The following ATP2C2 variants were observed in gnomAD, a reference collection of about 807,000 sequenced individuals.
The protein encoded by ATP2C2 is ATPase secretory pathway Ca2+ transporting 2.
ATP2C2 carries 171 observed loss-of-function variants against 110.8 expected under a neutral mutation model. The observed-to-expected ratio is 1.54, with a 90% CI of 1.36 to 1.75. The LOEUF (loss-of-function observed/expected upper bound fraction) is 1.75, where lower values mean the gene tolerates loss of function less well. ATP2C2 is among the 40% of genes most tolerant of loss of function. The pLI is 0.00. For missense variants in ATP2C2, 1,963 were observed against 1,235.0 expected, an observed-to-expected ratio of 1.59 and a Z score of -8.84; for synonymous variants, 804 against 508.4, an observed-to-expected ratio of 1.58 and a Z score of -7.82.
At chr16:84,398,084 G>A (rs1022789452) in intron 1 of ATP2C2, among the ~76,000 whole-genome samples, 9 of 151,636 alleles carry the variant, frequency 5.9e-5, no homozygotes, top group Non-Finnish European at 1.3e-4. Context: ...TATGCACACT[G>A]TGTGTGTGTG....
rs1909987550 is a variant in ATP2C2 at position 84,448,696 on chromosome 16, G to A, written c.1660+7G>A. ...GGGTCGCTCGGTTTGCGGGGTCAGT[G>A]CCTGTGGTCCCGGCCCAGAGCTTTA... On this transcript the variant is annotated splice_region_variant and intron_variant, in intron 17 of 26. Transcript: ENST00000262429. 3.1e-6 allele frequency: 5 copies of A among 1,608,404 alleles called. No individual in the cohort carries two copies. The highest frequency in any genetic ancestry group is 1.3e-5 in the African/African-American group (1 of 74,762).
At chr16:84,456,332 C>T (rs904379861) in intron 21 of ATP2C2, among the ~76,000 whole-genome samples, 2 of 151,856 alleles carry the variant, frequency 1.3e-5, no homozygotes, top group African/African-American at 4.8e-5. Context: ...TTCAGAGATT[C>T]AACTTCTTCC....
Position 84,403,392 on chromosome 16 carries a change from A to T in ATP2C2, c.211-1736A>T, listed in dbSNP as rs554542834. ...GCAATCAAGGGCCAGTGCAGCCTCC[A>T]CCTCCTGGGCTTAAGCAATCGTCCT... On this transcript the variant is annotated intron_variant, in intron 2 of 26. Coordinates refer to ENST00000262429, the MANE Select transcript of ATP2C2 (RefSeq NM_014861.4). Among the ~76,000 whole-genome samples the T allele has an allele frequency of 3.9e-5, 6 of 152,124 alleles. 1 individual carries two copies. In the South Asian group the frequency reaches 1.2e-3, roughly 32 times the overall value.
Position 84,453,144 on chromosome 16 carries a change from A to G in ATP2C2, c.1838A>G (p.Asn613Ser). The change falls in exon 19 of 27, where the codon AAC (asparagine) becomes AGC (serine). Residue 613 changes from asparagine (N) to serine (S), a missense_variant. Transcript: ENST00000262429. ...ALETALAIGR[N>S]IGLCNGKLQA... is the part of the protein sequence containing the mutation. ...AGAACAGGTTCTTCTGAAGGAAGAA[A>G]CATCGGCCTGTGCAACGGGAAGCTG... The G allele has an allele frequency of 2.5e-6, 4 of 1,611,088 alleles. No individual in the cohort carries two copies. The highest frequency in any genetic ancestry group is 1.1e-5 in the South Asian group (1 of 90,792).
At chr16:84,386,921 TG>T (rs34300677) in intron 1 of ATP2C2, among the ~76,000 whole-genome samples, 49,522 of 151,824 alleles carry the variant, frequency 0.33, 8,232 homozygotes, top group South Asian at 0.43. Flanking sequence ...TTTGTTTGTT[TG>T]TTTTGGTCCC....
In ATP2C2 at chr16:84,459,305, C is replaced by T; in HGVS notation, c.2252C>T (p.Thr751Ile). The T allele has an allele frequency of 7.4e-6, 12 of 1,614,220 alleles. No homozygotes were observed. The highest frequency in any genetic ancestry group is 8.5e-6 in the Non-Finnish European group (10 of 1,180,034). The part of the protein sequence containing the change: ...ISALSLITLS[T>I]VFNLPSPLNA... ...GCCCTGAGTCTCATCACTCTGTCCA[C>T]CGTGTTCAACCTGCCCAGCCCCCTC... Residue 751 changes from threonine to isoleucine, a missense_variant, in exon 23 of 27, where the codon ACC becomes ATC. Physicochemically the swap from Thr to Ile is moderately conservative, Grantham distance 89. Transcript: ENST00000262429.
At position 84,412,772 on chromosome 16, in the gene ATP2C2, A is replaced by T. The variant is rs1906490816; in HGVS notation, c.515+2007A>T. On this transcript the variant is annotated intron_variant, in intron 6 of 26. Coordinates refer to ENST00000262429, the MANE Select transcript of ATP2C2 (RefSeq NM_014861.4). ...TGTCAGGCTGATCTGTCTTTCCCGA[A>T]CATACCTGGCTGCTCAAAGTGATAG... 1.3e-5 allele frequency among the ~76,000 whole-genome samples: 2 copies of T among 151,890 alleles called. 1 individual carries two copies. The highest frequency in any genetic ancestry group is 1.3e-4 in the Admixed American group (2 of 15,212).
intron 21 of ATP2C2, among the ~76,000 whole-genome samples, chr16:84,458,381 A>G (rs1189446674): frequency 1.5e-5 from 2 of 135,008 alleles, no homozygotes; most frequent in Non-Finnish European, 3.1e-5. Flanking sequence ...GCATCGGGAG[A>G]TATACCTAAT....
chr16:84,373,346 A>G (rs1332689137), intron 1 of ATP2C2, among the ~76,000 whole-genome samples: 1 of 152,106 alleles, frequency 6.6e-6, no homozygotes, highest in Non-Finnish European at 1.5e-5. Flanking sequence ...CTAAAAATAC[A>G]AAAATTAGCT....
chr16:84,410,808 G>A, intron 6 of ATP2C2, 43 bp downstream of exon 6: 1 of 1,574,860 alleles, frequency 6.3e-7, no homozygotes, highest in Non-Finnish European at 8.7e-7. Flanking sequence ...CACTGGAGGA[G>A]CCAGGGAGCT....
At position 84,439,543 on chromosome 16, in the gene ATP2C2, T is replaced by G. The variant is rs1404537303; in HGVS notation, c.1209+19T>G. On this transcript the variant is annotated intron_variant, in intron 13 of 26. Coordinates refer to ENST00000262429, the MANE Select transcript of ATP2C2 (RefSeq NM_014861.4). ...TGCCGAGGTGAGTGCCAAAGGAATTTACAAGCCTTAAGGATGCACCCAGCC... is the reference window on the plus strand; with the variant it reads ...TGCCGAGGTGAGTGCCAAAGGAATTGACAAGCCTTAAGGATGCACCCAGCC... 1.2e-5 allele frequency: 20 copies of G among 1,611,440 alleles called. No individual in the cohort carries two copies. The highest frequency in any genetic ancestry group is 1.7e-5 in the Non-Finnish European group (20 of 1,177,592).
intron 24 of ATP2C2, 51 bp from the exon 25 acceptor site, chr16:84,461,663 T>C: frequency 6.5e-7 from 1 of 1,528,684 alleles, no homozygotes; most frequent in Middle Eastern, 1.7e-4. Flanking sequence ...TGGTTCAGGA[T>C]GGAGGTTGTC....
chr16:84,417,650 G>A (rs1463933957), intron 7 of ATP2C2, among the ~76,000 whole-genome samples: 1 of 152,126 alleles, frequency 6.6e-6, no homozygotes, highest in Non-Finnish European at 1.5e-5. Context: ...CCAATACTTT[G>A]GGCAGCCAAG....
intron 11 of ATP2C2, among the ~76,000 whole-genome samples, chr16:84,431,922 C>A (rs1908316610): frequency 6.6e-6 from 1 of 152,082 alleles, no homozygotes; most frequent in Non-Finnish European, 1.5e-5. Flanking sequence ...GGCACTGGAG[C>A]AGGACGCCGA....
intron 10 of ATP2C2, among the ~76,000 whole-genome samples, chr16:84,424,677 A>C (rs1597810678): frequency 2.0e-5 from 3 of 150,558 alleles, no homozygotes; most frequent in African/African-American, 7.3e-5. Context: ...CCCAAGGGGC[A>C]GGTGCAGGGA....
At chr16:84,462,934 A>G (rs1893528763) in intron 26 of ATP2C2, 1 of 153,528 alleles carries the variant, frequency 6.5e-6, no homozygotes, top group Non-Finnish European at 1.4e-5. Context: ...TCCAGGCAAG[A>G]CTGGGATGGT....
At chr16:84,439,311 G>T (rs980304486) in intron 12 of ATP2C2, 21 bp downstream of exon 12, 1 of 1,613,458 alleles carries the variant, frequency 6.2e-7, no homozygotes, top group Admixed American at 1.7e-5. Context: ...CCAGCTGGTG[G>T]AATCCTTACA....
intron 4 of ATP2C2, 32 bp downstream of exon 4, chr16:84,408,526 C>G (rs774000240): frequency 1.3e-6 from 2 of 1,573,248 alleles, no homozygotes; most frequent in South Asian, 2.2e-5. Flanking sequence ...GGCTCCCGGG[C>G]GGGCAGCCAC....
rs1169449886 is a variant in ATP2C2 at position 84,459,161 on chromosome 16, A to G, written c.2189A>G (p.Lys730Arg). 1.9e-6 allele frequency: 3 copies of G among 1,614,170 alleles called. No homozygotes were observed. The highest frequency in any genetic ancestry group is 2.5e-6 in the Non-Finnish European group (3 of 1,180,046). ...EEGKGIFYNI[K>R]NFVRFQLSTS... is the part of the protein sequence containing the mutation. ...GGCAAGGGTATTTTTTACAACATCAAAAACTTTGTCCGATTCCAGCTGAGC... is the reference window on the plus strand; with the variant it reads ...GGCAAGGGTATTTTTTACAACATCAGAAACTTTGTCCGATTCCAGCTGAGC... The change falls in exon 22 of 27, where the codon AAA becomes AGA. Residue 730 changes from lysine (K) to arginine (R), a missense_variant. Physicochemically the swap from Lys to Arg is conservative, Grantham distance 26. Transcript: ENST00000262429.
Sources: allele counts gnomAD v4.1 joint callset (sites outside exome capture counted in the v4.1 genomes callset), GRCh38; gene constraint gnomAD v4.1.1; transcripts MANE v1.5; gene names NCBI Gene and HGNC (gene_info 2026-07-23, HGNC 2026-07-21).